NALF1: variants seen among roughly 807,000 people sequenced by gnomAD.
NALF1 encodes the protein family with sequence similarity 155 member A.
NALF1 carries 3 observed loss-of-function variants against 48.4 expected under a neutral mutation model. The ratio of observed to expected loss-of-function variants is 0.06; its 90% CI spans 0.03 to 0.16. The LOEUF (loss-of-function observed/expected upper bound fraction) is 0.16. Among genes scored for constraint, NALF1 ranks in the 10% least tolerant of loss-of-function variants. The pLI is 1.00. For missense variants in NALF1, 526 were observed against 571.5 expected (o/e 0.92, Z 0.81); for synonymous variants, 262 against 245.7 (o/e 1.07, Z -0.62).
At chr13:107,559,103 T>C (rs1877566073) in intron 1 of NALF1, among the ~76,000 whole-genome samples, 1 of 152,188 alleles carries the variant, frequency 6.6e-6, no homozygotes, top group Non-Finnish European at 1.5e-5. Context: ...ATGTATCCTA[T>C]TGGCTCTCTT....
intron 1 of NALF1, among the ~76,000 whole-genome samples, chr13:107,480,163 C>T (rs1264379922): frequency 1.3e-5 from 2 of 152,036 alleles, no homozygotes; most frequent in Non-Finnish European, 2.9e-5. Context: ...TTTTAAGCAC[C>T]GTTTCTGCTA....
chr13:107,789,522 A>C (rs924224799), intron 1 of NALF1, among the ~76,000 whole-genome samples: 1 of 152,210 alleles, frequency 6.6e-6, no homozygotes, highest in African/African-American at 2.4e-5. Context: ...ATTCTGGATC[A>C]TGAGATATAC....
At chr13:107,219,316 C>A (rs978808473) in intron 1 of NALF1, among the ~76,000 whole-genome samples, 1 of 152,178 alleles carries the variant, frequency 6.6e-6, no homozygotes, top group Non-Finnish European at 1.5e-5. Context: ...CCTGTATGGA[C>A]TGTCACAAAA....
At chr13:107,592,684 A>C (rs1420726820) in intron 1 of NALF1, among the ~76,000 whole-genome samples, 3 of 151,862 alleles carry the variant, frequency 2.0e-5, no homozygotes, top group African/African-American at 7.2e-5. Context: ...GAAAACATTT[A>C]CTCATTTTTT....
At chr13:107,281,684 C>G (rs1353146071) in intron 1 of NALF1, among the ~76,000 whole-genome samples, 1 of 152,152 alleles carries the variant, frequency 6.6e-6, no homozygotes, top group Non-Finnish European at 1.5e-5. Flanking sequence ...AAAGAACTGC[C>G]TGAGACTGGG....
intron 1 of NALF1, among the ~76,000 whole-genome samples, chr13:107,786,416 CAAAAAAA>C (rs34857705): frequency 4.0e-4 from 12 of 29,714 alleles, no homozygotes; most frequent in Admixed American, 5.3e-4. Flanking sequence ...AACTCTTTCT[CAAAAAAA>C]AAAAAAAAAA....
At chr13:107,799,643 G>C (rs951990636) in intron 1 of NALF1, among the ~76,000 whole-genome samples, 1 of 152,078 alleles carries the variant, frequency 6.6e-6, no homozygotes, top group Non-Finnish European at 1.5e-5. Flanking sequence ...AGGATCTATG[G>C]GCTGATTATT....
chr13:107,791,884 C>T (rs988518115), intron 1 of NALF1, among the ~76,000 whole-genome samples: 1 of 152,016 alleles, frequency 6.6e-6, no homozygotes, highest in Non-Finnish European at 1.5e-5. Flanking sequence ...TGCTTGAACC[C>T]GGGAGGTGAA....
At chr13:107,726,710 A>G (rs1276250200) in intron 1 of NALF1, among the ~76,000 whole-genome samples, 1 of 151,164 alleles carries the variant, frequency 6.6e-6, no homozygotes, top group East Asian at 2.0e-4. Context: ...CCCAGGTTCA[A>G]GTGATTCTCC....
intron 1 of NALF1, among the ~76,000 whole-genome samples, chr13:107,515,314 C>T (rs1375080185): frequency 1.3e-5 from 2 of 152,072 alleles, no homozygotes; most frequent in African/African-American, 4.8e-5. Flanking sequence ...ATTAAGACCA[C>T]GAGAAATTGT....
At chr13:107,535,565 C>T (rs926641023) in intron 1 of NALF1, among the ~76,000 whole-genome samples, 3 of 151,920 alleles carry the variant, frequency 2.0e-5, no homozygotes, top group Admixed American at 2.0e-4. Flanking sequence ...CACTGCTCAA[C>T]AAAATAAAAG....
chr13:107,315,142 CCTTT>C (rs1037945138), intron 1 of NALF1, among the ~76,000 whole-genome samples: 10 of 151,946 alleles, frequency 6.6e-5, no homozygotes, highest in African/African-American at 1.9e-4. Context: ...TTCTGAATGC[CCTTT>C]CTTTGTATCA....
chr13:107,243,393 C>T (rs1418534477), intron 1 of NALF1, among the ~76,000 whole-genome samples: 1 of 152,210 alleles, frequency 6.6e-6, no homozygotes, highest in Non-Finnish European at 1.5e-5. Flanking sequence ...ATCCCCAGCC[C>T]TGACCCCCAT....
chr13:107,830,346 T>C (rs1231953061), intron 1 of NALF1, among the ~76,000 whole-genome samples: 1 of 152,210 alleles, frequency 6.6e-6, no homozygotes, highest in Non-Finnish European at 1.5e-5. Context: ...TATGTTTAAT[T>C]TTTTAGGAAC....
At chr13:107,786,363 C>G (rs1387161330) in intron 1 of NALF1, among the ~76,000 whole-genome samples, 2 of 135,026 alleles carry the variant, frequency 1.5e-5, no homozygotes, top group African/African-American at 5.6e-5. Context: ...TTGCAGTAAG[C>G]TGAAATCGCA....
In NALF1 at chr13:107,611,042, G is replaced by A. The variant is rs144907346; in HGVS notation, c.915+254640C>T. Among the ~76,000 whole-genome samples the A allele has an allele frequency of 1.1e-4, 17 of 152,294 alleles. No homozygotes were observed. In the East Asian group the frequency reaches 2.5e-3, roughly 22 times the overall value. On this transcript the variant is annotated intron_variant, in intron 1 of 2. Coordinates refer to ENST00000375915, the MANE Select transcript of NALF1 (RefSeq NM_001080396.3). ...GGACAGGGAAAACGGAGCACTCTCCGTGCTACAGTCTAGATATCACAAGAG... is the reference window on the plus strand; with the variant it reads ...GGACAGGGAAAACGGAGCACTCTCCATGCTACAGTCTAGATATCACAAGAG...
At chr13:107,790,764 G>GA (rs1205523799) in intron 1 of NALF1, among the ~76,000 whole-genome samples, 3 of 152,222 alleles carry the variant, frequency 2.0e-5, no homozygotes, top group Middle Eastern at 3.4e-3. Context: ...TGGATTTGGG[G>GA]AAAAAATGCA....
At chr13:107,249,874 C>T (rs1464789887) in intron 1 of NALF1, among the ~76,000 whole-genome samples, 1 of 152,086 alleles carries the variant, frequency 6.6e-6, no homozygotes, top group African/African-American at 2.4e-5. Flanking sequence ...TAAAAACATG[C>T]ACCAGGCTTT....
chr13:107,711,285 T>C (rs993781781), intron 1 of NALF1, among the ~76,000 whole-genome samples: 41 of 152,368 alleles, frequency 2.7e-4, no homozygotes, highest in African/African-American at 7.9e-4. Flanking sequence ...AATTGAATTA[T>C]GCATCATATT....
Sources: gnomAD v4.1 joint callset for allele counts (sites outside exome capture counted in the v4.1 genomes callset) on GRCh38, gnomAD v4.1.1 for gene constraint, MANE v1.5 for transcripts, NCBI Gene and HGNC (gene_info 2026-07-23, HGNC 2026-07-21) for gene names.